ZNF185: variants seen among roughly 807,000 people sequenced by gnomAD.
ZNF185 encodes the protein zinc finger protein 185.
A neutral mutation model predicts 58.6 loss-of-function variants in ZNF185; 56 were observed. The observed-to-expected ratio is 0.95, with a 90% CI of 0.77 to 1.19. ZNF185 has a LOEUF of 1.19. Among genes scored for constraint, ZNF185 ranks in the 50% most tolerant of loss-of-function variants. The pLI, the probability that ZNF185 is intolerant of heterozygous loss-of-function variation, is 0.00. For synonymous variants in ZNF185, 230 were observed against 215.9 expected (o/e 1.07, Z -0.57); for missense variants, 627 against 573.5 (o/e 1.09, Z -0.95).
chrX:152,953,597 T>G (rs2048505482), intron 16 of ZNF185, among the ~76,000 whole-genome samples: 1 of 111,410 alleles, frequency 9.0e-6, no homozygotes, highest in African/African-American at 3.3e-5. Flanking sequence ...CCTGGGAGGC[T>G]GAAGTAGTGG....
chrX:152,913,766 A>G (rs782572899), upstream of ZNF185, among the ~76,000 whole-genome samples: 32 of 112,333 alleles, frequency 2.8e-4, no homozygotes, highest in South Asian at 1.1e-3. Flanking sequence ...CTCCTAGCAG[A>G]TGACTTGAGA....
At chrX:152,967,775 T>A (rs1283953218) in intron 20 of ZNF185, among the ~76,000 whole-genome samples, 2 of 111,947 alleles carry the variant, frequency 1.8e-5, no homozygotes, top group Admixed American at 1.9e-4. Flanking sequence ...GCACAGTCAC[T>A]AGAGAGTCTT....
the ZNF185 span, among the ~76,000 whole-genome samples, chrX:152,901,393 C>T: frequency 5.3e-3 from 588 of 109,948 alleles, 9 homozygotes; most frequent in African/African-American, 0.019. Context: ...GCTGGCACTA[C>T]AGGCGAGTGC....
At chrX:152,945,153 C>A in intron 15 of ZNF185, 114 bp from the exon 18 acceptor site, 1 of 848,963 alleles carries the variant, frequency 1.2e-6, no homozygotes, top group Non-Finnish European at 1.6e-6. Context: ...GCCCCGCTTT[C>A]AGGGATATGA....
chrX:152,966,938 T>G lies in ZNF185; in HGVS notation c.1800-229T>G, dbSNP rs192144441. Reference sequence around the variant, plus strand: ...TTTCCCACTGGTCAGTGGGGTCCCCTTGGCATATACAACCTCAGGAATCCT... The same window carrying G: ...TTTCCCACTGGTCAGTGGGGTCCCCGTGGCATATACAACCTCAGGAATCCT... On this transcript the variant is annotated intron_variant, in intron 19 of 22. Transcript: ENST00000449285. 1.3e-4 allele frequency among the ~76,000 whole-genome samples: 14 copies of G among 110,757 alleles called. No homozygotes were observed. In the East Asian group the frequency reaches 2.9e-3, roughly 23 times the overall value.
intron 7 of ZNF185, 60 bp downstream of exon 8, chrX:152,919,141 A>G: frequency 1.1e-6 from 1 of 924,431 alleles, no homozygotes. Flanking sequence ...GAGTCTTCGA[A>G]GACTGCTGGA....
At chrX:152,918,138 G>A (rs375206118) in exon 6 of ZNF185, 1 of 1,194,114 alleles carries the variant, frequency 8.4e-7, no homozygotes, top group Non-Finnish European at 1.1e-6. Context: ...GATGACCACT[G>A]AGGATTACAA....
Position 152,926,039 on chromosome X carries a change from A to AAG in ZNF185, c.831-2536_831-2535insAG, listed in dbSNP as rs1435850178. On this transcript the variant is annotated intron_variant, in intron 11 of 22. Transcript: ENST00000449285. ...CAGGCCTGGCTGCTTTACCCGAAGCACTGGTCAAGCTTGCCTCACCTGACC... is the reference window on the plus strand; with the variant it reads ...CAGGCCTGGCTGCTTTACCCGAAGCAAGCTGGTCAAGCTTGCCTCACCTGACC... Among the ~76,000 whole-genome samples the AAG allele has an allele frequency of 3.5e-4, 39 of 112,304 alleles. 2 individuals are homozygous for AAG. The highest frequency in any genetic ancestry group is 1.9e-5 in the Non-Finnish European group (1 of 53,195).
Position 152,928,574 on chromosome X carries a change from G to A in ZNF185, c.831-1G>A. Reference sequence around the variant, plus strand: ...CACTGGGTCTCTCCTTTGGCCCGCAGCTCAAGAGGTGAGGAAATTGTCCGC... The same window carrying A: ...CACTGGGTCTCTCCTTTGGCCCGCAACTCAAGAGGTGAGGAAATTGTCCGC... On this transcript the variant is annotated splice_acceptor_variant, in intron 11 of 22. Transcript: ENST00000449285. LOFTEE classifies it high-confidence loss of function. 1 of 1,211,818 alleles carries A rather than the reference G, an allele frequency of 8.3e-7. No homozygotes were observed. The highest frequency in any genetic ancestry group is 1.1e-6 in the Non-Finnish European group (1 of 895,379).
intron 15 of ZNF185, chrX:152,941,899 A>G (rs2047248278): frequency 9.3e-7 from 1 of 1,069,986 alleles, no homozygotes; most frequent in South Asian, 2.4e-5. Flanking sequence ...GGCGGGAGGA[A>G]GCGCGGTCCC....
At chrX:152,939,519 T>C (rs1424544207) in intron 15 of ZNF185, among the ~76,000 whole-genome samples, 1 of 112,201 alleles carries the variant, frequency 8.9e-6, no homozygotes, top group Non-Finnish European at 1.9e-5. Flanking sequence ...AATCTTGTCT[T>C]TGGAGCCTAG....
chrX:152,959,801 A>AC lies in ZNF185; in HGVS notation c.1515dup (p.Thr506HisfsTer20). ...GAGGTGGCCAAGGAGACCCAGCTGT[A>AC]CCCACTCAGCAACCTGCAGATCCCA... is the stretch of plus-strand genomic sequence containing the variant. On this transcript the variant is annotated frameshift_variant, in exon 17 of 23. Transcript: ENST00000449285. LOFTEE classifies it high-confidence loss of function. 5 of 1,211,773 alleles carry AC rather than the reference A, an allele frequency of 4.1e-6. No individual in the cohort carries two copies. The highest frequency in any genetic ancestry group is 5.6e-6 in the Non-Finnish European group (5 of 895,374).
chrX:152,916,595 C>G (rs782480026), intron 3 of ZNF185, among the ~76,000 whole-genome samples: 1 of 112,062 alleles, frequency 8.9e-6, no homozygotes, highest in Non-Finnish European at 1.9e-5. Flanking sequence ...CAAAGAGGGC[C>G]CCGAGGGACA....
chrX:152,957,264 G>A (rs954028028), intron 16 of ZNF185, among the ~76,000 whole-genome samples: 13 of 107,790 alleles, frequency 1.2e-4, no homozygotes, highest in Non-Finnish European at 1.7e-4. Flanking sequence ...AGTAGAGAGG[G>A]GGTTTCATCA....
chrX:152,941,499 C>T (rs984882575), intron 15 of ZNF185, among the ~76,000 whole-genome samples: 1 of 112,979 alleles, frequency 8.9e-6, no homozygotes, highest in East Asian at 2.8e-4. Context: ...GAACCACACC[C>T]CTCACCTTCC....
At chrX:152,967,011 C>T (rs1298542264) in intron 19 of ZNF185, among the ~76,000 whole-genome samples, 156 bp from the exon 22 acceptor site, 6 of 111,272 alleles carry the variant, frequency 5.4e-5, no homozygotes, top group African/African-American at 1.3e-4. Flanking sequence ...GTCTCCTTTG[C>T]CCCCCCATAG....
intron 15 of ZNF185, chrX:152,941,840 G>C (rs1209675859): frequency 8.7e-7 from 1 of 1,144,296 alleles, no homozygotes; most frequent in African/African-American, 1.8e-5. Context: ...CGTAAGGTCT[G>C]AAGCCGCGGC....
intron 19 of ZNF185, 129 bp from the exon 22 acceptor site, chrX:152,967,038 C>A: frequency 1.6e-6 from 1 of 609,773 alleles, no homozygotes; most frequent in Non-Finnish European, 2.5e-6. Context: ...CCTGTGGCAC[C>A]AAGTCATGAA....
At chrX:152,944,741 G>C (rs2047603884) in intron 15 of ZNF185, among the ~76,000 whole-genome samples, 1 of 112,369 alleles carries the variant, frequency 8.9e-6, no homozygotes, top group African/African-American at 3.2e-5. Flanking sequence ...GCACATGCCT[G>C]TAATCCCTGC....
Sources: gnomAD v4.1 joint callset for allele counts (sites outside exome capture counted in the v4.1 genomes callset) on GRCh38, gnomAD v4.1.1 for gene constraint, MANE v1.5 for transcripts, NCBI Gene and HGNC (gene_info 2026-07-23, HGNC 2026-07-21) for gene names.